The following ERI3 variants were observed in gnomAD, a reference collection of about 807,000 sequenced individuals.
The protein encoded by ERI3 is ERI1 exoribonuclease family member 3, also known as ERI1 exoribonuclease 3.
Under a neutral mutation model 44.4 loss-of-function variants are expected in ERI3, and 18 were observed. That is an observed-to-expected ratio of 0.41 (90% CI 0.28 to 0.60). The LOEUF (loss-of-function observed/expected upper bound fraction) is 0.60. Ranked by LOEUF, ERI3 falls within the 20% of genes least tolerant of loss-of-function variation. ERI3 has a pLI of 0.36. For synonymous variants in ERI3, 183 were observed against 164.8 expected (o/e 1.11, Z -0.84); for missense variants, 294 against 435.5 (o/e 0.68, Z 2.89).
chr1:44,250,205 T>C (rs896738942), intron 7 of ERI3, among the ~76,000 whole-genome samples: 5 of 152,344 alleles, frequency 3.3e-5, no homozygotes, highest in Non-Finnish European at 1.5e-5. Context: ...AACACTTGCA[T>C]TAGCAGGTGC....
chr1:44,274,000 G>C (rs1169985919), intron 7 of ERI3, among the ~76,000 whole-genome samples: 1 of 152,196 alleles, frequency 6.6e-6, no homozygotes, highest in Admixed American at 6.5e-5. Flanking sequence ...AGATGGAGCA[G>C]AGCCTTCCAT....
rs1380030584 is a variant in ERI3 at position 44,308,373 on chromosome 1, C to T, written c.695G>A (p.Gly232Asp). The T allele has an allele frequency of 1.9e-6, 3 of 1,614,054 alleles. No individual in the cohort carries two copies. Among genetic ancestry groups the T allele is most frequent in the Non-Finnish European group, 2.5e-6 (3 of 1,180,016 alleles). Residue 232 changes from glycine (G) to aspartate (D), a missense_variant, in exon 6 of 9, where the codon GGC becomes GAC. By Grantham distance (94) the Gly-to-Asp change is moderately conservative. This residue lies in a region of ERI3 where 187 missense variants were observed against 338.6 expected (regional missense o/e 0.55). Coordinates refer to ENST00000372257, the MANE Select transcript of ERI3 (RefSeq NM_024066.3). Reference sequence around the variant, plus strand: ...TGACTTGACGTTTGGATCTAAGAGGCCTTCCTTCGCCATCCATTCATCGAC... The same window carrying T: ...TGACTTGACGTTTGGATCTAAGAGGTCTTCCTTCGCCATCCATTCATCGAC... ...ERVDEWMAKE[G>D]LLDPNVKSIF...
chr1:44,313,113 A>C (rs1646008841), intron 5 of ERI3, 56 bp downstream of exon 5: 4 of 1,435,510 alleles, frequency 2.8e-6, no homozygotes, highest in Non-Finnish European at 2.9e-6. Context: ...GAGGGGAGGG[A>C]GAGAAAGGCA....
At chr1:44,292,468 T>C (rs1483142610) in intron 6 of ERI3, among the ~76,000 whole-genome samples, 1 of 152,194 alleles carries the variant, frequency 6.6e-6, no homozygotes, top group African/African-American at 2.4e-5. Flanking sequence ...TAGTGGAACC[T>C]GATTTCTCTC....
intron 3 of ERI3, among the ~76,000 whole-genome samples, chr1:44,324,483 T>TC (rs1646267342): frequency 6.9e-6 from 1 of 144,396 alleles, no homozygotes; most frequent in Non-Finnish European, 1.5e-5. Context: ...ACTCTTTTTT[T>TC]TTTTTTTTTT....
intron 3 of ERI3, among the ~76,000 whole-genome samples, chr1:44,324,851 A>G (rs183110865): frequency 1.3e-5 from 2 of 152,308 alleles, no homozygotes; most frequent in East Asian, 3.9e-4. Context: ...CTGTCTGCCA[A>G]CGGTGGATGA....
intron 3 of ERI3, among the ~76,000 whole-genome samples, chr1:44,335,403 G>A (rs1646513699): frequency 6.6e-6 from 1 of 151,394 alleles, no homozygotes; most frequent in Non-Finnish European, 1.5e-5. Context: ...GGTCAGGAGA[G>A]GAGCCTGGAT....
chr1:44,245,265 A>G (rs974165310), intron 8 of ERI3, among the ~76,000 whole-genome samples: 4 of 152,122 alleles, frequency 2.6e-5, no homozygotes, highest in Admixed American at 2.0e-4. Context: ...TCCCAGCCCA[A>G]TTAATGCCCT....
intron 1 of ERI3, chr1:44,353,476 G>A (rs1572364306): frequency 1.0e-6 from 1 of 985,210 alleles, no homozygotes; most frequent in Admixed American, 6.2e-5. Flanking sequence ...TCCTCCAAAG[G>A]ACCAGAAGTT....
chr1:44,290,157 G>A (rs1490755452), intron 6 of ERI3, among the ~76,000 whole-genome samples: 1 of 152,234 alleles, frequency 6.6e-6, no homozygotes, highest in South Asian at 2.1e-4. Context: ...ATCTTGGAGT[G>A]ATGTGGGCTG....
intron 7 of ERI3, among the ~76,000 whole-genome samples, chr1:44,250,937 G>A (rs1644666018): frequency 1.3e-5 from 2 of 152,174 alleles, no homozygotes; most frequent in African/African-American, 4.8e-5. Flanking sequence ...GCCCTGGCAC[G>A]TCTTCCCCAG....
intron 7 of ERI3, among the ~76,000 whole-genome samples, chr1:44,259,689 G>GACACACACACACACAGAC: frequency 1.4e-5 from 2 of 140,384 alleles, no homozygotes; most frequent in East Asian, 4.2e-4. Flanking sequence ...AAAACACACA[G>GACACACACACACACAGAC]ACACACACAC....
chr1:44,330,331 A>G (rs866547825), intron 3 of ERI3, among the ~76,000 whole-genome samples: 5 of 152,126 alleles, frequency 3.3e-5, no homozygotes, highest in South Asian at 2.1e-4. Flanking sequence ...ACTATACACT[A>G]CAACAGAAGT....
rs758979949 is a variant in ERI3, at chr1:44,284,915, A to G, written c.759-8T>C. 1.9e-6 allele frequency: 3 copies of G among 1,613,716 alleles called. No homozygotes were observed. The highest frequency in any genetic ancestry group is 2.2e-5 in the South Asian group (2 of 91,060). ...TGGCACTGGCCTGGGAGCCTACAAA[A>G]AAAAGGGAAGAGAGAACAAGTTGGG... is the stretch of plus-strand genomic sequence containing the variant. On this transcript the variant is annotated splice_region_variant and splice_polypyrimidine_tract_variant and intron_variant, in intron 6 of 8. Coordinates refer to ENST00000372257, the MANE Select transcript of ERI3 (RefSeq NM_024066.3).
Position 44,300,419 on chromosome 1 carries a change from G to A in ERI3, c.758+7891C>T, listed in dbSNP as rs550906232. On this transcript the variant is annotated intron_variant, in intron 6 of 8. Coordinates refer to ENST00000372257, the MANE Select transcript of ERI3 (RefSeq NM_024066.3). ...AAATGCCAGAGGCCCTGTCTGCCAC[G>A]GAGGGGTTGTGCTTGTTGATCAGAC... Among the ~76,000 whole-genome samples the A allele has an allele frequency of 5.3e-5, 8 of 152,288 alleles. No homozygotes were observed. In the East Asian group the frequency reaches 5.8e-4, roughly 11 times the overall value.
chr1:44,353,475 G>T, intron 1 of ERI3: 1 of 985,376 alleles, frequency 1.0e-6, no homozygotes, highest in Non-Finnish European at 1.2e-6. Context: ...ATCCTCCAAA[G>T]GACCAGAAGT....
rs1001572996 is a variant in ERI3, at chr1:44,290,115, T to C, written c.759-5208A>G. On this transcript the variant is annotated intron_variant, in intron 6 of 8. Coordinates refer to ENST00000372257, the MANE Select transcript of ERI3 (RefSeq NM_024066.3). ...GACTCTGGAGGCCTCCTTGGCTCCT[T>C]TCTCCCTCTCAAGAAAGGCTGTGGG... is the stretch of plus-strand genomic sequence containing the variant. Among the ~76,000 whole-genome samples the C allele has an allele frequency of 3.3e-5, 5 of 152,318 alleles. No individual in the cohort carries two copies. In the South Asian group the frequency reaches 8.3e-4, roughly 25 times the overall value.
chr1:44,300,082 C>T (rs1297048729), intron 6 of ERI3, among the ~76,000 whole-genome samples: 1 of 152,150 alleles, frequency 6.6e-6, no homozygotes, highest in East Asian at 1.9e-4. Context: ...AAGGGGAGAG[C>T]CTCATATCAA....
At chr1:44,273,157 T>C (rs955500323) in intron 7 of ERI3, among the ~76,000 whole-genome samples, 1 of 152,234 alleles carries the variant, frequency 6.6e-6, no homozygotes, top group Non-Finnish European at 1.5e-5. Flanking sequence ...ATGGAATAAC[T>C]GTCCAAAGGT....
Sources: gnomAD v4.1 joint callset for allele counts (sites outside exome capture counted in the v4.1 genomes callset) on GRCh38, gnomAD v4.1.1 for gene constraint, gnomAD v4.1.1 regional missense constraint, MANE v1.5 for transcripts, NCBI Gene and HGNC (gene_info 2026-07-23, HGNC 2026-07-21) for gene names.